NELL2: variants seen among roughly 807,000 people sequenced by gnomAD.
NELL2 encodes the protein protein kinase C-binding protein NELL2.
Under a neutral mutation model 109.6 loss-of-function variants are expected in NELL2, and 41 were observed. The ratio of observed to expected loss-of-function variants is 0.37; its 90% CI spans 0.29 to 0.49. The LOEUF (loss-of-function observed/expected upper bound fraction) is 0.49, where lower values mean the gene tolerates loss of function less well. Ranked by LOEUF, NELL2 falls within the 20% of genes least tolerant of loss-of-function variation. The pLI is 0.98. For missense variants in NELL2, 900 were observed against 1,008.3 expected (o/e 0.89, Z 1.45); for synonymous variants, 355 against 344.7 (o/e 1.03, Z -0.33).
intron 13 of NELL2, among the ~76,000 whole-genome samples, chr12:44,625,502 T>C (rs1053489984): frequency 1.3e-5 from 2 of 152,098 alleles, no homozygotes; most frequent in Non-Finnish European, 2.9e-5. Flanking sequence ...CTTCGGCAGG[T>C]ACCCCTGCTA....
At chr12:44,772,185 T>C (rs1300471824) in intron 9 of NELL2, among the ~76,000 whole-genome samples, 1 of 152,142 alleles carries the variant, frequency 6.6e-6, no homozygotes, top group Non-Finnish European at 1.5e-5. Context: ...TCCACTAAAA[T>C]TAGATTTTCA....
rs80017942 is a variant in NELL2, at chr12:44,639,903, C to A, written c.1444+25581G>T. 5.3e-5 allele frequency among the ~76,000 whole-genome samples: 8 copies of A among 152,232 alleles called. No individual in the cohort carries two copies. The East Asian group carries it at 1.5e-3, about 29-fold the overall frequency. ...CCCACCCTACATCTTCATTCTCATC[C>A]CATGCCACCTTCCCCAATTCACTAT... On this transcript the variant is annotated intron_variant, in intron 13 of 19. Coordinates refer to ENST00000429094, the MANE Select transcript of NELL2 (RefSeq NM_001145108.2).
chr12:44,876,443 GC>G, upstream of NELL2: 1 of 1,290,624 alleles, frequency 7.7e-7, no homozygotes, highest in East Asian at 2.9e-5. Context: ...TCGGTCTCCC[GC>G]ACGGTCTCCT....
chr12:44,801,404 T>C (rs1942824840), intron 3 of NELL2, among the ~76,000 whole-genome samples: 1 of 152,084 alleles, frequency 6.6e-6, no homozygotes, highest in East Asian at 1.9e-4. Context: ...TTCAAACCAC[T>C]ATAGAACAAT....
chr12:44,656,719 C>A (rs1327429045), intron 13 of NELL2, among the ~76,000 whole-genome samples: 4 of 152,186 alleles, frequency 2.6e-5, no homozygotes, highest in African/African-American at 9.7e-5. Flanking sequence ...TCTACTCTGT[C>A]ATTGTCCCCA....
intron 15 of NELL2, among the ~76,000 whole-genome samples, chr12:44,545,042 A>T (rs556537310): frequency 6.6e-6 from 1 of 152,148 alleles, no homozygotes; most frequent in South Asian, 2.1e-4. Flanking sequence ...AGAAAAAAAG[A>T]GTGTCAAAAA....
rs577035295 is a variant in NELL2, at chr12:44,528,052, C to T, written c.1804+4529G>A. ...GAGCTTGCTTGCAGTGAGCCGAGAT[C>T]GCCTCACTGCACTCCAGCCTGGGCG... On this transcript the variant is annotated intron_variant, in intron 16 of 19. Coordinates refer to ENST00000429094, the MANE Select transcript of NELL2 (RefSeq NM_001145108.2). 5.1e-5 allele frequency among the ~76,000 whole-genome samples: 7 copies of T among 137,424 alleles called. No homozygotes were observed. The South Asian group carries it at 9.3e-4, about 18-fold the overall frequency. 90.2% of individuals were successfully genotyped at this position (137,424 alleles called of 152,430 possible).
intron 12 of NELL2, among the ~76,000 whole-genome samples, chr12:44,695,845 A>T (rs1949046941): frequency 6.6e-6 from 1 of 152,178 alleles, no homozygotes; most frequent in African/African-American, 2.4e-5. Flanking sequence ...TTAGCCAGGC[A>T]TGGTGGTGCA....
intron 19 of NELL2, among the ~76,000 whole-genome samples, chr12:44,518,429 T>G (rs757960502): frequency 2.0e-5 from 3 of 152,078 alleles, no homozygotes; most frequent in Admixed American, 1.3e-4. Flanking sequence ...TATTTTTTAG[T>G]AGAGACGGGG....
intron 3 of NELL2, among the ~76,000 whole-genome samples, chr12:44,800,561 T>C (rs1159578759): frequency 6.6e-6 from 1 of 152,168 alleles, no homozygotes; most frequent in Non-Finnish European, 1.5e-5. Context: ...CTAAAAATGA[T>C]CCATGATACT....
At chr12:44,580,260 T>C (rs1944274332) in intron 15 of NELL2, among the ~76,000 whole-genome samples, 1 of 152,132 alleles carries the variant, frequency 6.6e-6, no homozygotes, top group African/African-American at 2.4e-5. Flanking sequence ...GGGATAGTTA[T>C]GTGGAAGATT....
chr12:44,727,961 G>C (rs192522559), intron 9 of NELL2, among the ~76,000 whole-genome samples: 1 of 151,940 alleles, frequency 6.6e-6, no homozygotes, highest in South Asian at 2.1e-4. Flanking sequence ...ATATATGGAT[G>C]AATTTCCCCT....
chr12:44,898,443 C>T (rs117091186), intron 1 of NELL2, among the ~76,000 whole-genome samples: 1,602 of 152,280 alleles, frequency 0.011, 31 homozygotes, highest in East Asian at 0.048. Flanking sequence ...GCAGACTCTG[C>T]TGATGATACC....
chr12:44,556,275 T>C (rs1943251263), intron 15 of NELL2, among the ~76,000 whole-genome samples: 1 of 152,182 alleles, frequency 6.6e-6, no homozygotes, highest in Non-Finnish European at 1.5e-5. Flanking sequence ...ACAAATGAGC[T>C]AGTCTCTGTT....
At chr12:44,827,057 G>A (rs1433836685) in intron 2 of NELL2, among the ~76,000 whole-genome samples, 1 of 151,978 alleles carries the variant, frequency 6.6e-6, no homozygotes, top group Non-Finnish European at 1.5e-5. Flanking sequence ...CAAAACAGAA[G>A]GCTTTTTTAA....
At chr12:44,909,579 GA>G (rs1945756238) in intron 1 of NELL2, among the ~76,000 whole-genome samples, 1 of 151,544 alleles carries the variant, frequency 6.6e-6, no homozygotes, top group South Asian at 2.1e-4. Flanking sequence ...CACAGAACTG[GA>G]AAAAAATTCT....
At chr12:44,657,555 G>A (rs903805814) in intron 13 of NELL2, among the ~76,000 whole-genome samples, 1 of 152,024 alleles carries the variant, frequency 6.6e-6, no homozygotes, top group African/African-American at 2.4e-5. Context: ...AGGTATACAC[G>A]TGCCATGGTG....
chr12:44,676,120 T>C (rs550134777), intron 12 of NELL2, among the ~76,000 whole-genome samples: 11 of 152,144 alleles, frequency 7.2e-5, no homozygotes, highest in Non-Finnish European at 1.5e-4. Flanking sequence ...TGCAGCTCAA[T>C]TGCAAAGACT....
chr12:44,632,554 A>G (rs898304012), intron 13 of NELL2, among the ~76,000 whole-genome samples: 2 of 152,050 alleles, frequency 1.3e-5, no homozygotes, highest in Non-Finnish European at 2.9e-5. Flanking sequence ...TAAATAACAT[A>G]AATAAAGCAT....
Sources: allele counts gnomAD v4.1 joint callset (sites outside exome capture counted in the v4.1 genomes callset), GRCh38; gene constraint gnomAD v4.1.1; transcripts MANE v1.5; gene names NCBI Gene and HGNC (gene_info 2026-07-23, HGNC 2026-07-21).